Variants in RAPGEF2 observed in about 807,000 individuals in gnomAD.
The protein encoded by RAPGEF2 is PDZ domain containing guanine nucleotide exchange factor (GEF) 1.
Under a neutral mutation model 186.7 loss-of-function variants are expected in RAPGEF2, and 54 were observed. The observed-to-expected ratio is 0.29, with a 90% CI of 0.23 to 0.36. The LOEUF (loss-of-function observed/expected upper bound fraction) is 0.36, where lower values mean the gene tolerates loss of function less well. RAPGEF2 is among the 10% of genes least tolerant of loss of function. The probability of loss-of-function intolerance (pLI) is 1.00; values close to 1 mark genes in which losing one functional copy is unlikely to be tolerated. For synonymous variants in RAPGEF2, 712 were observed against 705.9 expected (o/e 1.01, Z -0.14); for missense variants, 1,532 against 2,045.0 (o/e 0.75, Z 4.84).
At chr4:159,218,525 GC>G in intron 4 of RAPGEF2, among the ~76,000 whole-genome samples, 1 of 152,276 alleles carries the variant, frequency 6.6e-6, no homozygotes, top group East Asian at 1.9e-4. Context: ...GGAGGCTGAG[GC>G]AGGCAGATCA....
At chr4:159,124,700 G>A (rs1740088936) in intron 1 of RAPGEF2, among the ~76,000 whole-genome samples, 1 of 152,024 alleles carries the variant, frequency 6.6e-6, no homozygotes. Context: ...TGTCTGTTTT[G>A]GTTATTTTTT....
At chr4:159,345,066 A>G (rs1300208957) in intron 23 of RAPGEF2, 40 bp from the exon 24 acceptor site, 2 of 1,527,872 alleles carry the variant, frequency 1.3e-6, no homozygotes, top group Admixed American at 3.3e-5. Flanking sequence ...AAGTACTCCC[A>G]TGCTAGAGTG....
chr4:159,257,172 C>G (rs1756273172), intron 7 of RAPGEF2, among the ~76,000 whole-genome samples: 1 of 152,080 alleles, frequency 6.6e-6, no homozygotes, highest in Non-Finnish European at 1.5e-5. Flanking sequence ...AGATTTTCTT[C>G]TAGGATTGTT....
At chr4:159,330,672 T>C in intron 13 of RAPGEF2, 174 bp downstream of exon 13, 1 of 536,022 alleles carries the variant, frequency 1.9e-6, no homozygotes, top group Non-Finnish European at 3.2e-6. Context: ...AAAATATTAG[T>C]TCAGCCTTAG....
intron 1 of RAPGEF2, among the ~76,000 whole-genome samples, chr4:159,107,103 T>G (rs1285462611): frequency 6.6e-6 from 1 of 152,194 alleles, no homozygotes; most frequent in East Asian, 1.9e-4. Context: ...TCCCATATTG[T>G]GTGTCTGGAA....
At chr4:159,274,624 C>G (rs4527442) in intron 7 of RAPGEF2, among the ~76,000 whole-genome samples, 94,559 of 151,990 alleles carry the variant, frequency 0.62, 30,849 homozygotes, top group African/African-American at 0.8. Flanking sequence ...TCATCCTTAA[C>G]GAGTGGTCTT....
intron 1 of RAPGEF2, among the ~76,000 whole-genome samples, chr4:159,148,890 G>C (rs865883166): frequency 6.6e-6 from 1 of 152,044 alleles, no homozygotes; most frequent in Non-Finnish European, 1.5e-5. Flanking sequence ...ATAAATGTTA[G>C]TTACTTTGTT....
In RAPGEF2 at chr4:159,353,320, G is replaced by T. The variant is rs1731470472; in HGVS notation, c.4092-167G>T. On this transcript the variant is annotated intron_variant, in intron 27 of 29. Coordinates refer to ENST00000691494, the MANE Select transcript of RAPGEF2 (RefSeq NM_001394067.2). The surrounding 1 kb of genome is among the most constrained non-coding windows in gnomAD (Gnocchi z 4.3). ...TAGTAATGATAAAGTCAGAAGGCTA[G>T]ACATGGCAGAACTGGCCAATATAAG... Among the ~76,000 whole-genome samples, 1 of 151,854 alleles carries T rather than the reference G, an allele frequency of 6.6e-6. No individual in the cohort carries two copies. Among genetic ancestry groups the T allele is most frequent in the Non-Finnish European group, 1.5e-5 (1 of 67,990 alleles).
chr4:159,323,395 C>T, intron 10 of RAPGEF2, 64 bp from the exon 11 acceptor site: 3 of 1,345,092 alleles, frequency 2.2e-6, no homozygotes, highest in Non-Finnish European at 3.0e-6. Context: ...AGGGACCATA[C>T]TGGCACTTAC....
intron 7 of RAPGEF2, among the ~76,000 whole-genome samples, chr4:159,301,745 A>G (rs1451229377): frequency 1.3e-5 from 2 of 152,164 alleles, no homozygotes. Flanking sequence ...TGTGGTTCCA[A>G]CTACTCAGGA....
rs1430218173 is a variant in RAPGEF2 at position 159,332,666 on chromosome 4, C to T, written c.2104C>T (p.Arg702Trp). The change falls in exon 17 of 30, where the codon CGG becomes TGG. Residue 702 changes from arginine (R) to tryptophan (W), a missense_variant. Transcript: ENST00000691494. ...NKLKKILDKT[R>W]ISILPQKPYN... ...GCTGAAAAAGATACTCGACAAGACT[C>T]GGATCAGTATCTTGCCACAGAAACC... The T allele has an allele frequency of 5.6e-6, 9 of 1,613,956 alleles. No individual in the cohort carries two copies. Among genetic ancestry groups the T allele is most frequent in the Non-Finnish European group, 3.4e-6 (4 of 1,179,972 alleles).
At position 159,344,099 on chromosome 4, in the gene RAPGEF2, A is replaced by T. The variant is rs199497465; in HGVS notation, c.3278+40A>T. The T allele has an allele frequency of 4.6e-4, 694 of 1,519,470 alleles. 3 individuals are homozygous for T. The Middle Eastern group carries it at 6.5e-3, about 14-fold the overall frequency. 94.1% of individuals were successfully genotyped at this position (1,519,470 alleles called of 1,614,324 possible). ...CCTTGCATACCCACACACAGTTCTTATTCTGCTCATTGCATTGTTTTCTTA... is the reference window on the plus strand; with the variant it reads ...CCTTGCATACCCACACACAGTTCTTTTTCTGCTCATTGCATTGTTTTCTTA... On this transcript the variant is annotated intron_variant, in intron 23 of 29. Transcript: ENST00000691494.
chr4:159,156,474 CTTT>C (rs920390995), intron 1 of RAPGEF2, among the ~76,000 whole-genome samples: 1 of 150,322 alleles, frequency 6.7e-6, no homozygotes, highest in Non-Finnish European at 1.5e-5. Context: ...GCCTGAGGAA[CTTT>C]TTTTTTGCAT....
At chr4:159,202,188 C>T (rs974702068) in intron 3 of RAPGEF2, among the ~76,000 whole-genome samples, 4 of 152,116 alleles carry the variant, frequency 2.6e-5, no homozygotes, top group Admixed American at 2.6e-4. Flanking sequence ...TTTTAATGAC[C>T]TTGTTAATGC....
At chr4:159,212,198 A>C (rs1750601443) in intron 4 of RAPGEF2, among the ~76,000 whole-genome samples, 1 of 152,084 alleles carries the variant, frequency 6.6e-6, no homozygotes, top group African/African-American at 2.4e-5. Context: ...AATTCTAGGA[A>C]TTCTGTTTTC....
chr4:159,335,653 G>C (rs1236308353), intron 17 of RAPGEF2, among the ~76,000 whole-genome samples: 1 of 151,996 alleles, frequency 6.6e-6, no homozygotes, highest in East Asian at 1.9e-4. Flanking sequence ...CGAGACCACG[G>C]TGAAACCCCG....
At position 159,341,908 on chromosome 4, in the gene RAPGEF2, G is replaced by A; in HGVS notation, c.2879G>A (p.Arg960Lys). The change falls in exon 20 of 30, where the codon AGG becomes AAG. Residue 960 changes from arginine to lysine, a missense_variant. Physicochemically the swap from Arg to Lys is conservative, Grantham distance 26. Coordinates refer to ENST00000691494, the MANE Select transcript of RAPGEF2 (RefSeq NM_001394067.2). ...TTCATCAAGATAGCACTGCACTGTAGGGAATGCAAGAATTTTAACTCAATG... is the reference window on the plus strand; with the variant it reads ...TTCATCAAGATAGCACTGCACTGTAAGGAATGCAAGAATTTTAACTCAATG... ...KHFIKIALHC[R>K]ECKNFNSMFA... 6.2e-7 allele frequency: 1 copy of A among 1,600,650 alleles called. No individual in the cohort carries two copies. The highest frequency in any genetic ancestry group is 8.5e-7 in the Non-Finnish European group (1 of 1,175,138).
chr4:159,299,643 CTTA>C (rs1233506979), intron 7 of RAPGEF2, among the ~76,000 whole-genome samples: 3 of 151,574 alleles, frequency 2.0e-5, no homozygotes, highest in African/African-American at 4.9e-5. Context: ...TTTTTTTTAA[CTTA>C]TTATTACTTA....
chr4:159,154,518 T>A (rs1049213378), intron 1 of RAPGEF2, among the ~76,000 whole-genome samples: 2 of 141,512 alleles, frequency 1.4e-5, no homozygotes, highest in African/African-American at 2.8e-5. Context: ...TTTTTTTTTT[T>A]TAAAAAAAAC....
Sources: gnomAD v4.1 joint callset for allele counts (sites outside exome capture counted in the v4.1 genomes callset) on GRCh38, gnomAD v4.1.1 for gene constraint, Gnocchi (gnomAD v3.1) non-coding constraint, MANE v1.5 for transcripts, NCBI Gene and HGNC (gene_info 2026-07-23, HGNC 2026-07-21) for gene names.